Variants in PDGFRA observed in about 807,000 individuals in gnomAD.
The protein encoded by PDGFRA is platelet-derived growth factor receptor alpha.
A neutral mutation model predicts 121.5 loss-of-function variants in PDGFRA; 25 were observed. The ratio of observed to expected loss-of-function variants is 0.21; its 90% CI spans 0.15 to 0.29. PDGFRA has a LOEUF of 0.29. Among genes scored for constraint, PDGFRA ranks in the 10% least tolerant of loss-of-function variants. PDGFRA has a pLI of 1.00. For synonymous variants in PDGFRA, 463 were observed against 494.8 expected, an observed-to-expected ratio of 0.94 and a Z score of 0.85; for missense variants, 1,008 against 1,345.1, an observed-to-expected ratio of 0.75 and a Z score of 3.92.
rs922206804 is a variant in PDGFRA, at chr4:54,273,817, G to A, written c.1558+87G>A. ...TTGAATCCCAGATAGGGGTTATATA[G>A]AAATGAAGGTCCCAAGGCAGAAATT... is the stretch of plus-strand genomic sequence containing the variant. On this transcript the variant is annotated intron_variant, in intron 10 of 22. Transcript: ENST00000257290. 6.0e-6 allele frequency: 6 copies of A among 1,002,328 alleles called. No individual in the cohort carries two copies. The Admixed American group carries it at 7.4e-5, about 12-fold the overall frequency. 62.1% of individuals were successfully genotyped at this position (1,002,328 alleles called of 1,614,324 possible). A position where few individuals can be genotyped will look rare whatever the true frequency, so the allele number is the denominator to read the frequency against.
intron 8 of PDGFRA, 94 bp from the exon 9 acceptor site, chr4:54,272,300 A>G (rs1392091120): frequency 1.2e-5 from 16 of 1,379,972 alleles, no homozygotes; most frequent in Non-Finnish European, 1.5e-5. Context: ...TTTGAATGCC[A>G]TGTAGATGAG....
intron 1 of PDGFRA, among the ~76,000 whole-genome samples, chr4:54,243,349 A>G (rs1453507503): frequency 6.6e-6 from 1 of 152,178 alleles, no homozygotes; most frequent in Non-Finnish European, 1.5e-5. Context: ...ATTACTGGAG[A>G]AAGTTTTACC....
chr4:54,288,989 C>T lies in PDGFRA; in HGVS notation c.2775-20C>T. On this transcript the variant is annotated intron_variant, in intron 20 of 22. Coordinates refer to ENST00000257290, the MANE Select transcript of PDGFRA (RefSeq NM_006206.6). ...CCTGAGACTTCCCCCTGTGCCCACT[C>T]TTGAGTTCTGTCCCCACAGCTACGA... 2 of 1,571,118 alleles carry T rather than the reference C, an allele frequency of 1.3e-6. No individual in the cohort carries two copies. Among genetic ancestry groups the T allele is most frequent in the South Asian group, 2.2e-5 (2 of 90,166 alleles).
intron 1 of PDGFRA, among the ~76,000 whole-genome samples, chr4:54,244,134 G>T (rs887247603): frequency 4.6e-5 from 7 of 152,250 alleles, no homozygotes; most frequent in African/African-American, 1.7e-4. Context: ...ATCTCTGGGG[G>T]TAGGGCACAG....
intron 17 of PDGFRA, 88 bp from the exon 18 acceptor site, chr4:54,285,753 G>A (rs532952553): frequency 2.1e-6 from 3 of 1,408,574 alleles, no homozygotes; most frequent in South Asian, 2.3e-5. Flanking sequence ...AGCTCCAAGT[G>A]CCACCATGGA....
intron 4 of PDGFRA, chr4:54,264,403 C>T (rs1315063206): frequency 4.1e-6 from 1 of 242,232 alleles, no homozygotes. Context: ...CACTATATTA[C>T]ATGGAGGAAT....
intron 15 of PDGFRA, 86 bp from the exon 16 acceptor site, chr4:54,280,230 C>A: frequency 8.2e-6 from 3 of 366,396 alleles, no homozygotes; most frequent in Admixed American, 7.5e-5. Context: ...TACCTCAGTA[C>A]CTGGCACATA....
chr4:54,268,746 G>A (rs1013352088), intron 7 of PDGFRA, among the ~76,000 whole-genome samples: 1 of 152,222 alleles, frequency 6.6e-6, no homozygotes, highest in African/African-American at 2.4e-5. Flanking sequence ...AAATGAAGGT[G>A]TACAACAAGG....
intron 5 of PDGFRA, chr4:54,265,435 G>T: frequency 3.3e-6 from 1 of 302,960 alleles, no homozygotes. Flanking sequence ...TGTGCCCTGA[G>T]GTTTGATTCA....
intron 1 of PDGFRA, among the ~76,000 whole-genome samples, chr4:54,239,595 C>A (rs1721187945): frequency 6.6e-6 from 1 of 152,156 alleles, no homozygotes; most frequent in Non-Finnish European, 1.5e-5. Context: ...TCTCTCCTTG[C>A]CCAGATTCAA....
chr4:54,286,771 C>T (rs1724385965), intron 18 of PDGFRA, among the ~76,000 whole-genome samples: 1 of 152,186 alleles, frequency 6.6e-6, no homozygotes, highest in Non-Finnish European at 1.5e-5. Flanking sequence ...TCTGTGACCC[C>T]TAAAATAGAT....
chr4:54,267,507 C>A (rs1330507145), intron 6 of PDGFRA, 45 bp from the exon 7 acceptor site: 1 of 1,613,078 alleles, frequency 6.2e-7, no homozygotes, highest in Non-Finnish European at 8.5e-7. Context: ...TGCTCGGGAT[C>A]CATATGTGGT....
intron 1 of PDGFRA, among the ~76,000 whole-genome samples, chr4:54,249,464 A>T (rs879341370): frequency 1.3e-5 from 2 of 152,324 alleles, no homozygotes; most frequent in Middle Eastern, 3.4e-3. Context: ...ATAAAAAATG[A>T]TGAGTTCAGG....
chr4:54,295,071 T>C, intron 22 of PDGFRA, 54 bp from the exon 23 acceptor site: 3 of 1,529,642 alleles, frequency 2.0e-6, no homozygotes, highest in Admixed American at 1.7e-5. Context: ...GGCCACAGTC[T>C]AGGTCTAGTT....
At chr4:54,285,799 C>T (rs1218113433) in intron 17 of PDGFRA, 42 bp from the exon 18 acceptor site, 2 of 1,610,202 alleles carry the variant, frequency 1.2e-6, no homozygotes, top group Non-Finnish European at 1.7e-6. Flanking sequence ...TATTCAGCTA[C>T]AGATGGCTTG....
rs1410219878 is a variant in PDGFRA at position 54,295,498 on chromosome 4, T to C, written c.*226T>C. On this transcript the variant is annotated 3_prime_UTR_variant, in exon 23 of 23. Transcript: ENST00000257290. ...CAATGCCTCAGTAGCATCTCAGTGG[T>C]GTGTGAAGTTTGGAGATAGATGGAT... The C allele has an allele frequency of 3.6e-6, 2 of 554,824 alleles. No homozygotes were observed. Among genetic ancestry groups the C allele is most frequent in the Non-Finnish European group, 6.5e-6 (2 of 308,166 alleles). The allele number at this position is 554,824 out of a possible 1,614,324, so 34.4% of individuals were successfully genotyped here. A position where few individuals can be genotyped will look rare whatever the true frequency, so the allele number is the denominator to read the frequency against.
In PDGFRA at chr4:54,287,531, C is replaced by T; in HGVS notation, c.2664C>T (p.Ile888=). 7.2e-7 allele frequency: 1 copy of T among 1,382,838 alleles called. No homozygotes were observed. The highest frequency in any genetic ancestry group is 1.0e-6 in the Non-Finnish European group (1 of 969,046). The allele number at this position is 1,382,838 out of a possible 1,614,324, so 85.7% of individuals were successfully genotyped here. A position where few individuals can be genotyped will look rare whatever the true frequency, so the allele number is the denominator to read the frequency against. The change falls in exon 19 of 23, where the codon ATC becomes ATT. Residue 888 remains isoleucine, a synonymous_variant. Transcript: ENST00000257290. The stretch of plus-strand genomic sequence containing the variant: ...CTTATGGCATTCTGCTCTGGGAGAT[C>T]TTTTCCCTTGGTATGGGCCTGACAT... ...VWSYGILLWE[I]FSLGGTPYPG...
intron 15 of PDGFRA, among the ~76,000 whole-genome samples, chr4:54,279,659 G>A (rs1312073207): frequency 6.6e-6 from 1 of 152,018 alleles, no homozygotes; most frequent in Non-Finnish European, 1.5e-5. Context: ...CATCACTGGA[G>A]CAGTATACAC....
chr4:54,276,352 A>G (rs1306984159), intron 12 of PDGFRA, among the ~76,000 whole-genome samples: 1 of 152,176 alleles, frequency 6.6e-6, no homozygotes, highest in Non-Finnish European at 1.5e-5. Context: ...TAGTAATAGT[A>G]GAATAGGTCT....
Sources: allele counts gnomAD v4.1 joint callset (sites outside exome capture counted in the v4.1 genomes callset), GRCh38; gene constraint gnomAD v4.1.1; transcripts MANE v1.5; gene names NCBI Gene and HGNC (gene_info 2026-07-23, HGNC 2026-07-21).